PCDHA2: variants seen among roughly 807,000 people sequenced by gnomAD.
The protein encoded by PCDHA2 is protocadherin alpha 2.
In PCDHA2, 58 loss-of-function variants were observed where a neutral mutation model predicts 66.0. The observed-to-expected ratio is 0.88, with a 90% confidence interval of 0.71 to 1.09. PCDHA2 has a LOEUF of 1.09. PCDHA2 is among the 50% of genes least tolerant of loss of function. PCDHA2 has a pLI of 0.00. For synonymous variants in PCDHA2, 634 were observed against 554.0 expected (o/e 1.14, Z -2.03); for missense variants, 1,267 against 1,242.3 (o/e 1.02, Z -0.30).
At chr5:140,832,312 C>G (rs2150200797) in intron 1 of PCDHA2, among the ~76,000 whole-genome samples, 49 of 152,244 alleles carry the variant, frequency 3.2e-4, no homozygotes, top group African/African-American at 1.1e-3. Flanking sequence ...TTAAAAGTTG[C>G]TTAAGGGCCA....
intron 1 of PCDHA2, chr5:140,850,460 G>A (rs2150485288): frequency 1.3e-6 from 2 of 1,597,976 alleles, no homozygotes; most frequent in Non-Finnish European, 1.7e-6. Flanking sequence ...AAGACCACGG[G>A]GAGCCAGCGC....
In PCDHA2 at chr5:140,853,250, T is replaced by C. The variant is rs187095987; in HGVS notation, c.2388+55898T>C. 492 of 976,066 alleles carry C rather than the reference T, an allele frequency of 5.0e-4. 28 individuals carry two copies. The African/African-American group carries it at 6.8e-3, about 14-fold the overall frequency. The allele number at this position is 976,066 out of a possible 1,614,324, so 60.5% of individuals were successfully genotyped here. On this transcript the variant is annotated intron_variant, in intron 1 of 3. Transcript: ENST00000526136. ...ATTTAGTCCTTCATATTAATCTCTA[T>C]TCTCTCTCAGAGTACAAGCTCTCAT... is the stretch of plus-strand genomic sequence containing the variant.
intron 1 of PCDHA2, chr5:140,870,528 A>G (rs556976390): frequency 3.1e-6 from 5 of 1,614,214 alleles, no homozygotes; most frequent in African/African-American, 2.7e-5. Context: ...ACATCTTCAC[A>G]GTGTCGGCGC....
intron 3 of PCDHA2, among the ~76,000 whole-genome samples, chr5:140,997,683 T>C (rs782444752): frequency 6.6e-6 from 1 of 152,044 alleles, no homozygotes; most frequent in Non-Finnish European, 1.5e-5. Context: ...TGTGTGTGTG[T>C]GTGTGTGTGT....
chr5:140,972,499 G>A (rs1398741603), intron 1 of PCDHA2, among the ~76,000 whole-genome samples: 3 of 151,888 alleles, frequency 2.0e-5, no homozygotes, highest in South Asian at 4.2e-4. Flanking sequence ...TAATCTGTTG[G>A]TAGATTTTAC....
chr5:140,901,234 T>A (rs1013983503), intron 1 of PCDHA2, among the ~76,000 whole-genome samples: 4 of 152,156 alleles, frequency 2.6e-5, no homozygotes, highest in African/African-American at 9.7e-5. Context: ...ATATATCCAT[T>A]TTTTTCCTTT....
chr5:140,796,734 G>A lies in PCDHA2; in HGVS notation c.1770G>A (p.Val590=). The change falls in exon 1 of 4, where the codon GTG becomes GTA. Residue 590 remains valine (V), a synonymous_variant. Coordinates refer to ENST00000526136, the MANE Select transcript of PCDHA2 (RefSeq NM_018905.3). Reference sequence around the variant, plus strand: ...CGTGGTCGGTGGGTGCAGGGCACGTGGTGGCGAAGGTGCGCGCAGTGGACG... The same window carrying A: ...CGTGGTCGGTGGGTGCAGGGCACGTAGTGGCGAAGGTGCGCGCAGTGGACG... ...LVPWSVGAGH[V]VAKVRAVDAD... The A allele has an allele frequency of 6.2e-7, 1 of 1,614,098 alleles. No homozygotes were observed. The highest frequency in any genetic ancestry group is 1.1e-5 in the South Asian group (1 of 91,086).
intron 1 of PCDHA2, among the ~76,000 whole-genome samples, chr5:140,888,256 C>A (rs1454353322): frequency 6.6e-6 from 1 of 151,942 alleles, no homozygotes; most frequent in African/African-American, 2.4e-5. Context: ...AGCAGTAGTT[C>A]TTGATAAGAA....
intron 1 of PCDHA2, among the ~76,000 whole-genome samples, chr5:140,840,661 C>T (rs1401967763): frequency 6.6e-6 from 1 of 151,916 alleles, no homozygotes; most frequent in East Asian, 1.9e-4. Flanking sequence ...AGAATATGCA[C>T]ATACATTTTT....
rs1256039151 is a variant in PCDHA2 at position 140,800,485 on chromosome 5, C to T, written c.2388+3133C>T. 3.9e-5 allele frequency among the ~76,000 whole-genome samples: 6 copies of T among 152,152 alleles called. No homozygotes were observed. In the East Asian group the frequency reaches 7.7e-4, roughly 20 times the overall value. On this transcript the variant is annotated intron_variant, in intron 1 of 3. Transcript: ENST00000526136. ...TATGTTTTAATATATACAGCACACA[C>T]ACACTTTTAAATACTTCAACATCTC...
At chr5:140,928,307 C>T in intron 1 of PCDHA2, 1 of 1,614,150 alleles carries the variant, frequency 6.2e-7, no homozygotes, top group Non-Finnish European at 8.5e-7. Context: ...GCCCAGGACC[C>T]CGACCTGGGG....
At chr5:140,925,286 A>G (rs545624226) in intron 1 of PCDHA2, among the ~76,000 whole-genome samples, 9 of 152,288 alleles carry the variant, frequency 5.9e-5, no homozygotes, top group African/African-American at 2.2e-4. Context: ...TTGCCTTTCA[A>G]ATGTTTCATT....
At chr5:140,887,438 A>T (rs540823028) in intron 1 of PCDHA2, among the ~76,000 whole-genome samples, 3 of 152,268 alleles carry the variant, frequency 2.0e-5, no homozygotes, top group Admixed American at 6.5e-5. Flanking sequence ...TTCACTGGGC[A>T]TAGTTGACAG....
intron 1 of PCDHA2, chr5:140,821,532 CACTT>C (rs1766992060): frequency 2.2e-6 from 1 of 453,922 alleles, no homozygotes; most frequent in Admixed American, 3.9e-5. Flanking sequence ...CAAAATAAAA[CACTT>C]ACCCTTTCAT....
chr5:140,927,127 G>C (rs1202029150), intron 1 of PCDHA2: 1 of 1,613,964 alleles, frequency 6.2e-7, no homozygotes, highest in Non-Finnish European at 8.5e-7. Context: ...GGTGGTCAGA[G>C]AGCCGGCGGA....
chr5:140,802,602 C>T (rs782651284), intron 1 of PCDHA2: 8 of 1,613,840 alleles, frequency 5.0e-6, no homozygotes, highest in African/African-American at 2.7e-5. Context: ...GGAGAACAAC[C>T]CGCCGGGCTG....
At chr5:140,828,582 C>G (rs1554131414) in intron 1 of PCDHA2, 3 of 1,614,224 alleles carry the variant, frequency 1.9e-6, no homozygotes, top group Middle Eastern at 3.3e-4. Flanking sequence ...GATGTTGGCT[C>G]AAATTCCATC....
intron 1 of PCDHA2, chr5:140,807,427 G>A: frequency 6.3e-7 from 1 of 1,596,236 alleles, no homozygotes; most frequent in Non-Finnish European, 8.5e-7. Flanking sequence ...TAAATCTGCA[G>A]AATGGCATTT....
At position 140,858,391 on chromosome 5, in the gene PCDHA2, T is replaced by G. The variant is rs1214576702; in HGVS notation, c.2388+61039T>G. ...GCCTTCCACCATGCCCAATGGTAGA[T>G]GTGGACGGGGAAGATCAGTCTATTG... On this transcript the variant is annotated intron_variant, in intron 1 of 3. Transcript: ENST00000526136. 2.5e-6 allele frequency: 4 copies of G among 1,577,710 alleles called. 1 individual carries two copies. The highest frequency in any genetic ancestry group is 3.5e-6 in the Non-Finnish European group (4 of 1,154,364).
Sources: gnomAD v4.1 joint callset for allele counts (sites outside exome capture counted in the v4.1 genomes callset) on GRCh38, gnomAD v4.1.1 for gene constraint, MANE v1.5 for transcripts, NCBI Gene and HGNC (gene_info 2026-07-23, HGNC 2026-07-21) for gene names.